The following WDFY4 variants were observed in gnomAD, a reference collection of about 807,000 sequenced individuals.
WDFY4 encodes WDFY family member 4, also known as WD repeat- and FYVE domain-containing protein 4.
A neutral mutation model predicts 351.9 loss-of-function variants in WDFY4; 169 were observed. The observed-to-expected ratio is 0.48, with a 90% CI of 0.42 to 0.55. The LOEUF (loss-of-function observed/expected upper bound fraction) is 0.55, where lower values mean the gene tolerates loss of function less well. Among genes scored for constraint, WDFY4 ranks in the 20% least tolerant of loss-of-function variants. The probability of loss-of-function intolerance (pLI) is 0.00; values close to 1 mark genes in which losing one functional copy is unlikely to be tolerated. For missense variants in WDFY4, 3,803 were observed against 3,935.6 expected (o/e 0.97, Z 0.90); for synonymous variants, 1,622 against 1,574.6 (o/e 1.03, Z -0.71).
At chr10:48,901,714 C>T in intron 46 of WDFY4, 87 bp from the exon 47 acceptor site, 1 of 1,418,198 alleles carries the variant, frequency 7.1e-7, no homozygotes, top group Non-Finnish European at 9.7e-7. Flanking sequence ...ATGAGCCTAG[C>T]TTCCTGCCTG....
chr10:48,743,155 C>T lies in WDFY4; in HGVS notation c.2066C>T (p.Ser689Phe). Residue 689 changes from serine to phenylalanine, a missense_variant, in exon 12 of 62, where the codon TCC (serine) becomes TTC (phenylalanine). Transcript: ENST00000325239. ...GTTTTGTACACTCTCTGTGCTGTGT[C>T]CGCAGCGCTGCACTGGGACCCTGTC... Reference protein sequence around the residue: ...ELVLYTLCAVSAALHWDPVNG... With the variant: ...ELVLYTLCAVFAALHWDPVNG... The T allele has an allele frequency of 6.4e-7, 1 of 1,551,690 alleles. No homozygotes were observed. Among genetic ancestry groups the T allele is most frequent in the Non-Finnish European group, 8.7e-7 (1 of 1,146,988 alleles).
chr10:48,834,800 C>T (rs1375556550), intron 39 of WDFY4, among the ~76,000 whole-genome samples: 1 of 152,242 alleles, frequency 6.6e-6, no homozygotes, highest in African/African-American at 2.4e-5. Context: ...TGCCAATGCC[C>T]TTCTCCCTTC....
intron 58 of WDFY4, 51 bp downstream of exon 58, chr10:48,975,092 G>C: frequency 6.4e-7 from 1 of 1,550,392 alleles, no homozygotes; most frequent in Non-Finnish European, 8.7e-7. Flanking sequence ...CAGTAGCATG[G>C]GGTACAACAC....
In WDFY4 at chr10:48,723,529, C is replaced by T. The variant is rs887336872; in HGVS notation, c.553C>T (p.Leu185Phe). 3.2e-6 allele frequency: 5 copies of T among 1,551,910 alleles called. No individual in the cohort carries two copies. Among genetic ancestry groups the T allele is most frequent in the East Asian group, 2.4e-5 (1 of 40,916 alleles). Reference protein sequence around the residue: ...FVFPLDKDELLESDLQVQKMF... With the variant: ...FVFPLDKDELFESDLQVQKMF... ...CTTTCCTCTGGACAAAGATGAGCTT[C>T]TTGAGAGTGATCTTCAAGTTCAAAA... The change falls in exon 5 of 62, where the codon CTT becomes TTT. Residue 185 changes from leucine to phenylalanine, a missense_variant. This residue lies in a region of WDFY4 where 488 missense variants were observed against 456.8 expected (regional missense o/e 1.07). Coordinates refer to ENST00000325239, the MANE Select transcript of WDFY4 (RefSeq NM_001394531.1).
At chr10:48,854,164 C>T (rs1346091935) in intron 39 of WDFY4, among the ~76,000 whole-genome samples, 1 of 147,514 alleles carries the variant, frequency 6.8e-6, no homozygotes, top group Non-Finnish European at 1.5e-5. Context: ...GGCTGGAGTA[C>T]AGTGGTGCGA....
chr10:48,926,086 C>T (rs930420732), intron 47 of WDFY4, among the ~76,000 whole-genome samples: 1 of 152,188 alleles, frequency 6.6e-6, no homozygotes, highest in Non-Finnish European at 1.5e-5. Context: ...CTCTCTCCTC[C>T]CTCTGTTGCC....
chr10:48,802,927 A>G, intron 24 of WDFY4: 1 of 484,422 alleles, frequency 2.1e-6, no homozygotes, highest in Non-Finnish European at 4.1e-6. Flanking sequence ...AAGTGGGAAC[A>G]TCATCATTTG....
chr10:48,776,681 G>C, intron 15 of WDFY4, 69 bp from the exon 16 acceptor site: 2 of 1,256,630 alleles, frequency 1.6e-6, no homozygotes, highest in Non-Finnish European at 2.1e-6. Flanking sequence ...ATACTTTGGG[G>C]TTATTGTCAG....
rs1377354742 is a variant in WDFY4, at chr10:48,796,282, G to C, written c.4258-16G>C. On this transcript the variant is annotated splice_polypyrimidine_tract_variant and intron_variant, in intron 23 of 61. Transcript: ENST00000325239. Reference sequence around the variant, plus strand: ...GATGCATTCATGAGGAAACTGCTTTGTGTTAACCTTTTCAGATAATGGCGT... The same window carrying C: ...GATGCATTCATGAGGAAACTGCTTTCTGTTAACCTTTTCAGATAATGGCGT... 6 of 1,550,378 alleles carry C rather than the reference G, an allele frequency of 3.9e-6. No individual in the cohort carries two copies. The highest frequency in any genetic ancestry group is 5.2e-6 in the Non-Finnish European group (6 of 1,146,130).
At chr10:48,787,684 AC>A (rs2066448067) in intron 20 of WDFY4, among the ~76,000 whole-genome samples, 1 of 152,120 alleles carries the variant, frequency 6.6e-6, no homozygotes, top group Non-Finnish European at 1.5e-5. Flanking sequence ...TATATACTTT[AC>A]AGATGTTTTA....
Position 48,976,894 on chromosome 10 carries a change from C to G in WDFY4, c.9206C>G (p.Ala3069Gly), listed in dbSNP as rs1220640629. The G allele has an allele frequency of 6.5e-7, 1 of 1,541,712 alleles. No homozygotes were observed. The highest frequency in any genetic ancestry group is 8.8e-7 in the Non-Finnish European group (1 of 1,141,650). The change falls in exon 59 of 62, where the codon GCC (alanine) becomes GGC (glycine). Residue 3069 changes from alanine (A) to glycine (G), a missense_variant. Ala to Gly is a moderately conservative substitution (Grantham distance 60). Transcript: ENST00000325239. The stretch of plus-strand genomic sequence containing the variant: ...ACCACAGCCTGGGGCCCAGAAGGAG[C>G]CATAACCTGCTGCTGCCTGATGGAG... Reference protein sequence around the residue: ...SITTAWGPEGAITCCCLMEGP... With the variant: ...SITTAWGPEGGITCCCLMEGP...
intron 36 of WDFY4, among the ~76,000 whole-genome samples, chr10:48,828,229 C>A (rs1391897356): frequency 6.6e-6 from 1 of 152,156 alleles, no homozygotes; most frequent in East Asian, 1.9e-4. Context: ...CACTGTGTCC[C>A]CACTTACAAC....
intron 30 of WDFY4, among the ~76,000 whole-genome samples, chr10:48,813,071 A>C (rs960553866): frequency 6.6e-6 from 1 of 152,172 alleles, no homozygotes; most frequent in Admixed American, 6.5e-5. Context: ...GCCTCCTTAG[A>C]AACTGAGCCC....
chr10:48,811,840 C>G, intron 30 of WDFY4, 132 bp downstream of exon 30: 2 of 917,198 alleles, frequency 2.2e-6, no homozygotes, highest in South Asian at 3.4e-5. Context: ...TGGCCCACTT[C>G]CCTCCCTAGC....
chr10:48,812,179 CT>C (rs1355851618), intron 30 of WDFY4, among the ~76,000 whole-genome samples: 17 of 134,534 alleles, frequency 1.3e-4, no homozygotes, highest in Admixed American at 2.9e-4. Context: ...TCTTTCTTTT[CT>C]TTTTTTTTTG....
At chr10:48,787,716 T>C (rs2066448971) in intron 20 of WDFY4, among the ~76,000 whole-genome samples, 1 of 152,186 alleles carries the variant, frequency 6.6e-6, no homozygotes, top group African/African-American at 2.4e-5. Context: ...GTTTCGCACC[T>C]GGAGTGCATC....
intron 37 of WDFY4, among the ~76,000 whole-genome samples, chr10:48,830,179 A>G (rs1373154668): frequency 1.3e-5 from 2 of 152,174 alleles, no homozygotes; most frequent in African/African-American, 2.4e-5. Flanking sequence ...ATTCCAGGGG[A>G]CTGAAATGGG....
intron 12 of WDFY4, among the ~76,000 whole-genome samples, chr10:48,747,599 C>T (rs2065053398): frequency 6.6e-6 from 1 of 152,176 alleles, no homozygotes; most frequent in Admixed American, 6.5e-5. Flanking sequence ...CCCACTGAAT[C>T]TCCTACTAGC....
chr10:48,943,250 C>A, intron 48 of WDFY4, 80 bp from the exon 49 acceptor site: 1 of 1,498,130 alleles, frequency 6.7e-7, no homozygotes, highest in South Asian at 1.3e-5. Context: ...GGCCTGCTGC[C>A]GAGGCCTGAG....
Sources: gnomAD v4.1 joint callset for allele counts (sites outside exome capture counted in the v4.1 genomes callset) on GRCh38, gnomAD v4.1.1 for gene constraint, gnomAD v4.1.1 regional missense constraint, MANE v1.5 for transcripts, NCBI Gene and HGNC (gene_info 2026-07-23, HGNC 2026-07-21) for gene names.